Variants in SPAG16 observed in about 807,000 individuals in gnomAD.
The protein encoded by SPAG16 is sperm associated antigen 16, also known as sperm-associated antigen 16 protein.
SPAG16 carries 86 observed loss-of-function variants against 80.4 expected under a neutral mutation model. The ratio of observed to expected loss-of-function variants is 1.07; its 90% CI spans 0.90 to 1.28. SPAG16 has a LOEUF of 1.28. Ranked by LOEUF, SPAG16 falls within the 50% of genes most tolerant of loss-of-function variation. The probability of loss-of-function intolerance (pLI) is 0.00; values close to 1 mark genes in which losing one functional copy is unlikely to be tolerated. For missense variants in SPAG16, 870 were observed against 765.3 expected (o/e 1.14, Z -1.61); for synonymous variants, 294 against 265.9 (o/e 1.11, Z -1.03).
chr2:213,717,802 G>C (rs1280016441), intron 10 of SPAG16, among the ~76,000 whole-genome samples: 1 of 151,992 alleles, frequency 6.6e-6, no homozygotes, highest in African/African-American at 2.4e-5. Context: ...CTTTTTGCAA[G>C]ATACAGATTA....
chr2:214,373,935 TC>T (rs1699969306), intron 15 of SPAG16, among the ~76,000 whole-genome samples: 1 of 152,200 alleles, frequency 6.6e-6, no homozygotes, highest in African/African-American at 2.4e-5. Context: ...TGAACCATGT[TC>T]CAGGGATATG....
intron 11 of SPAG16, among the ~76,000 whole-genome samples, chr2:213,890,733 T>C (rs1559556777): frequency 1.3e-5 from 2 of 152,014 alleles, no homozygotes; most frequent in Non-Finnish European, 2.9e-5. Context: ...TGCATAATTA[T>C]ATTCAGTTTG....
intron 10 of SPAG16, among the ~76,000 whole-genome samples, chr2:213,593,059 C>T (rs980641558): frequency 2.0e-5 from 3 of 151,698 alleles, no homozygotes; most frequent in Non-Finnish European, 4.4e-5. Flanking sequence ...GGGAAAAACT[C>T]AATCCGTATG....
intron 12 of SPAG16, among the ~76,000 whole-genome samples, chr2:214,002,927 C>T (rs1263071825): frequency 1.3e-5 from 2 of 152,114 alleles, no homozygotes; most frequent in Non-Finnish European, 2.9e-5. Context: ...CATACTTATC[C>T]TGGTCAAGTT....
At chr2:213,899,414 T>G (rs1323135625) in intron 11 of SPAG16, among the ~76,000 whole-genome samples, 1 of 152,118 alleles carries the variant, frequency 6.6e-6, no homozygotes, top group Non-Finnish European at 1.5e-5. Flanking sequence ...CTGTGTTCCC[T>G]CTTACTAGAA....
At chr2:214,027,617 G>GCACAA in intron 13 of SPAG16, among the ~76,000 whole-genome samples, 3 of 151,876 alleles carry the variant, frequency 2.0e-5, no homozygotes, top group Non-Finnish European at 4.4e-5. Flanking sequence ...CAATCCATCT[G>GCACAA]TGTCCACTTT....
chr2:213,410,883 C>A (rs1196729722), intron 9 of SPAG16, among the ~76,000 whole-genome samples: 1 of 152,230 alleles, frequency 6.6e-6, no homozygotes, highest in Non-Finnish European at 1.5e-5. Context: ...TCTGCTATAT[C>A]CTGAAGTCCG....
chr2:213,994,778 G>A (rs2046439889), intron 12 of SPAG16, among the ~76,000 whole-genome samples: 1 of 151,796 alleles, frequency 6.6e-6, no homozygotes, highest in Admixed American at 6.6e-5. Context: ...ATGTATCAAT[G>A]GAGCAAAAAT....
At chr2:214,339,947 C>T (rs758003776) in intron 15 of SPAG16, among the ~76,000 whole-genome samples, 1 of 152,146 alleles carries the variant, frequency 6.6e-6, no homozygotes, top group Non-Finnish European at 1.5e-5. Flanking sequence ...ATTGCAGCCA[C>T]GTAAGCCCCT....
At chr2:213,960,260 GTTTT>G (rs557744826) in intron 12 of SPAG16, among the ~76,000 whole-genome samples, 1 of 151,778 alleles carries the variant, frequency 6.6e-6, no homozygotes, top group Admixed American at 6.6e-5. Context: ...GTTCAACATT[GTTTT>G]TTGTTTATTC....
chr2:213,536,335 A>G (rs2076246071), intron 10 of SPAG16, among the ~76,000 whole-genome samples: 1 of 152,130 alleles, frequency 6.6e-6, no homozygotes, highest in South Asian at 2.1e-4. Flanking sequence ...AGATACATAA[A>G]GAATCTCCAG....
At chr2:213,633,436 C>A (rs967595230) in intron 10 of SPAG16, among the ~76,000 whole-genome samples, 1 of 152,034 alleles carries the variant, frequency 6.6e-6, no homozygotes, top group Non-Finnish European at 1.5e-5. Flanking sequence ...TTGTTTTATG[C>A]TCTAATATAT....
intron 15 of SPAG16, among the ~76,000 whole-genome samples, chr2:214,350,139 C>T (rs1698302549): frequency 6.6e-6 from 1 of 152,148 alleles, no homozygotes; most frequent in African/African-American, 2.4e-5. Context: ...AGCAGGTTGA[C>T]CATAATGCAA....
intron 10 of SPAG16, among the ~76,000 whole-genome samples, chr2:213,639,794 T>G (rs967512329): frequency 6.6e-6 from 1 of 152,196 alleles, no homozygotes; most frequent in Non-Finnish European, 1.5e-5. Context: ...TATTTCTAGC[T>G]AGGCCAGGGA....
At chr2:214,136,377 T>C (rs946755333) in intron 14 of SPAG16, among the ~76,000 whole-genome samples, 17 of 152,308 alleles carry the variant, frequency 1.1e-4, no homozygotes, top group African/African-American at 3.8e-4. Context: ...GTTGTCTCAT[T>C]TGTAATATTG....
chr2:214,051,580 C>G (rs540491165), intron 13 of SPAG16, among the ~76,000 whole-genome samples: 1 of 152,222 alleles, frequency 6.6e-6, no homozygotes, highest in African/African-American at 2.4e-5. Context: ...TATGCACTAC[C>G]CCTGCTGTCT....
At chr2:213,425,182 G>A (rs538106674) in intron 9 of SPAG16, among the ~76,000 whole-genome samples, 1 of 151,898 alleles carries the variant, frequency 6.6e-6, no homozygotes, top group African/African-American at 2.4e-5. Context: ...AATTAGCCAG[G>A]CATGGTGGTG....
intron 10 of SPAG16, among the ~76,000 whole-genome samples, chr2:213,494,535 T>A (rs1391423414): frequency 6.6e-6 from 1 of 152,174 alleles, no homozygotes; most frequent in Non-Finnish European, 1.5e-5. Flanking sequence ...AATATATTAA[T>A]TTTTTCCCCA....
chr2:214,367,566 A>T (rs924033671), intron 15 of SPAG16, among the ~76,000 whole-genome samples: 16 of 152,220 alleles, frequency 1.1e-4, no homozygotes, highest in Non-Finnish European at 8.8e-5. Flanking sequence ...TGGAAGTAGC[A>T]GTTCTACAGG....
Sources: gnomAD v4.1 joint callset for allele counts (sites outside exome capture counted in the v4.1 genomes callset) on GRCh38, gnomAD v4.1.1 for gene constraint, MANE v1.5 for transcripts, NCBI Gene and HGNC (gene_info 2026-07-23, HGNC 2026-07-21) for gene names.